DRGX: variants seen among roughly 807,000 people sequenced by gnomAD.
DRGX encodes the protein dorsal root ganglia homeobox.
In DRGX, 21 loss-of-function variants were observed where a neutral mutation model predicts 28.6. That is an observed-to-expected ratio of 0.73 (90% CI 0.52 to 1.06). The LOEUF is 1.06. DRGX is among the 50% of genes least tolerant of loss of function. The probability of loss-of-function intolerance (pLI) is 0.00; values close to 1 mark genes in which losing one functional copy is unlikely to be tolerated. For missense variants in DRGX, 354 were observed against 343.9 expected (o/e 1.03, Z -0.23); for synonymous variants, 136 against 139.1 (o/e 0.98, Z 0.16).
At chr10:49,375,936 A>G (rs528010160) in intron 6 of DRGX, among the ~76,000 whole-genome samples, 20 of 151,984 alleles carry the variant, frequency 1.3e-4, no homozygotes, top group African/African-American at 4.8e-4. Context: ...AGCTCTGTGC[A>G]CTCCAGGGCC....
rs117005923 is a variant in DRGX, at chr10:49,373,020, T to A, written c.527-6639A>T. Among the ~76,000 whole-genome samples the A allele has an allele frequency of 2.1e-3, 320 of 152,308 alleles. 1 individual carries two copies. The highest frequency in any genetic ancestry group is 3.4e-3 in the Non-Finnish European group (234 of 68,026). On this transcript the variant is annotated intron_variant, in intron 6 of 6. Transcript: ENST00000374139. ...ATCAAAAAGCTATCATGTGCTCACT[T>A]CAGCAGCACATGCACTAAAATTGGA... is the stretch of plus-strand genomic sequence containing the variant.
At position 49,366,289 on chromosome 10, in the gene DRGX, C is replaced by A; in HGVS notation, c.619G>T (p.Ala207Ser). The change falls in exon 7 of 7, where the codon GCC becomes TCC. Residue 207 changes from alanine to serine, a missense_variant. By Grantham distance (99) the Ala-to-Ser change is moderately conservative (BLOSUM62 1). Coordinates refer to ENST00000374139, the MANE Select transcript of DRGX (RefSeq NM_001276451.2). ...TCGCGGGCCTTCATGCGCAGGGTGG[C>A]CACGCTGGCCGTGCGGTTACTCTGG... ...GCQSNRTASV[A>S]TLRMKAREHS... 1 of 1,613,924 alleles carries A rather than the reference C, an allele frequency of 6.2e-7. No homozygotes were observed.
At chr10:49,392,075 T>C (rs1849912753) in intron 2 of DRGX, among the ~76,000 whole-genome samples, 1 of 152,260 alleles carries the variant, frequency 6.6e-6, no homozygotes, top group South Asian at 2.1e-4. Context: ...AGAACAGAGT[T>C]TGGCCCCAAA....
Position 49,386,542 on chromosome 10 carries a change from C to T in DRGX, c.462G>A (p.Leu154=). ...TGGCCGTGTTCAGGAGAGTCCCCGG[C>T]AAGCAGGAGGGGAAGAAAGGCCCTG... ...GPAGPFFPSC[L]PGTLLNTATY... Residue 154 remains leucine (L), a synonymous_variant, in exon 6 of 7, where the codon TTG becomes TTA. Transcript: ENST00000374139. 5 of 1,589,664 alleles carry T rather than the reference C, an allele frequency of 3.1e-6. No individual in the cohort carries two copies. The highest frequency in any genetic ancestry group is 3.4e-6 in the Non-Finnish European group (4 of 1,168,012).
At chr10:49,384,314 G>A (rs1046487241) in intron 6 of DRGX, among the ~76,000 whole-genome samples, 9 of 152,118 alleles carry the variant, frequency 5.9e-5, no homozygotes, top group South Asian at 2.1e-4. Context: ...GTATGTCGCC[G>A]ACCTCAAGGG....
intron 6 of DRGX, among the ~76,000 whole-genome samples, chr10:49,377,715 T>C (rs1014855958): frequency 6.6e-6 from 1 of 152,194 alleles, no homozygotes; most frequent in Admixed American, 6.5e-5. Flanking sequence ...ATCTTGTATA[T>C]ACCAGGCACA....
chr10:49,381,710 C>T (rs1005540596), intron 6 of DRGX, among the ~76,000 whole-genome samples: 1 of 152,212 alleles, frequency 6.6e-6, no homozygotes, highest in Non-Finnish European at 1.5e-5. Context: ...CTGCATCGGC[C>T]TCACATTCTA....
chr10:49,387,075 C>T (rs973237564), intron 4 of DRGX, among the ~76,000 whole-genome samples: 15 of 152,276 alleles, frequency 9.9e-5, no homozygotes, highest in East Asian at 3.9e-4. Context: ...GGAAAGTATC[C>T]GAATGCCCAT....
At chr10:49,384,641 C>G (rs1849811823) in intron 6 of DRGX, among the ~76,000 whole-genome samples, 1 of 152,170 alleles carries the variant, frequency 6.6e-6, no homozygotes, top group South Asian at 2.1e-4. Context: ...TTCACTCAGG[C>G]CAGTTGGTCC....
chr10:49,376,138 T>G (rs535846933), intron 6 of DRGX, among the ~76,000 whole-genome samples: 4 of 152,330 alleles, frequency 2.6e-5, no homozygotes, highest in Non-Finnish European at 5.9e-5. Flanking sequence ...ATTCATGCTA[T>G]GTGACCTTGG....
chr10:49,389,091 A>G (rs1346015095), intron 4 of DRGX, among the ~76,000 whole-genome samples: 1 of 152,152 alleles, frequency 6.6e-6, no homozygotes, highest in Non-Finnish European at 1.5e-5. Context: ...GAAAGGATAG[A>G]CGGTATCCTG....
At chr10:49,377,831 GTTGCTA>G (rs1849731897) in intron 6 of DRGX, among the ~76,000 whole-genome samples, 1 of 152,130 alleles carries the variant, frequency 6.6e-6, no homozygotes, top group African/African-American at 2.4e-5. Flanking sequence ...TAACACAACA[GTTGCTA>G]TTTTATAATA....
intron 6 of DRGX, among the ~76,000 whole-genome samples, chr10:49,368,004 C>G (rs1167118610): frequency 6.6e-6 from 1 of 152,206 alleles, no homozygotes; most frequent in Admixed American, 6.5e-5. Flanking sequence ...CACCTCCCTT[C>G]CCAAGACAGC....
chr10:49,368,991 G>A (rs1045310706), intron 6 of DRGX, among the ~76,000 whole-genome samples: 4 of 152,170 alleles, frequency 2.6e-5, no homozygotes, highest in Non-Finnish European at 4.4e-5. Flanking sequence ...TGAGAAAGAT[G>A]GGCTCAATCC....
intron 3 of DRGX, 66 bp downstream of exon 3, chr10:49,391,098 T>A (rs1849898271): frequency 6.6e-7 from 1 of 1,504,800 alleles, no homozygotes; most frequent in African/African-American, 1.4e-5. Flanking sequence ...AAAGAAGAGT[T>A]GCTCAACTTT....
chr10:49,395,242 C>A (rs1314414855), intron 2 of DRGX, among the ~76,000 whole-genome samples, 165 bp downstream of exon 2: 2 of 152,188 alleles, frequency 1.3e-5, no homozygotes, highest in South Asian at 2.1e-4. Context: ...TGGAGCGGGC[C>A]TGGAGTGGGG....
intron 3 of DRGX, among the ~76,000 whole-genome samples, chr10:49,390,455 C>G (rs909295571): frequency 2.6e-5 from 4 of 151,968 alleles, no homozygotes; most frequent in African/African-American, 9.7e-5. Context: ...AGTGCTCTGG[C>G]AAGAAGTAGA....
Position 49,386,549 on chromosome 10 carries a change from G to C in DRGX, c.455C>G (p.Ser152Cys). Reference sequence around the variant, plus strand: ...GTTCAGGAGAGTCCCCGGCAAGCAGGAGGGGAAGAAAGGCCCTGCAGGACC... The same window carrying C: ...GTTCAGGAGAGTCCCCGGCAAGCAGCAGGGGAAGAAAGGCCCTGCAGGACC... ...TVGPAGPFFP[S>C]CLPGTLLNTA... The change falls in exon 6 of 7, where the codon TCC (serine) becomes TGC (cysteine). Residue 152 changes from serine (S) to cysteine (C), a missense_variant. By Grantham distance (112) the Ser-to-Cys change is moderately radical. Transcript: ENST00000374139. The C allele has an allele frequency of 2.5e-6, 4 of 1,590,824 alleles. No homozygotes were observed. Among genetic ancestry groups the C allele is most frequent in the Non-Finnish European group, 3.4e-6 (4 of 1,168,602 alleles).
At position 49,379,867 on chromosome 10, in the gene DRGX, G is replaced by A. The variant is rs190997645; in HGVS notation, c.526+6611C>T. Among the ~76,000 whole-genome samples the A allele has an allele frequency of 5.3e-5, 8 of 152,314 alleles. No individual in the cohort carries two copies. The East Asian group carries it at 7.7e-4, about 15-fold the overall frequency. On this transcript the variant is annotated intron_variant, in intron 6 of 6. Transcript: ENST00000374139. Reference sequence around the variant, plus strand: ...TCCTGACAGCGTCCAAGGCCTCTGCGGGGAAGATGGGGCCAGACTCCAGCC... The same window carrying A: ...TCCTGACAGCGTCCAAGGCCTCTGCAGGGAAGATGGGGCCAGACTCCAGCC...
Sources: allele counts gnomAD v4.1 joint callset (sites outside exome capture counted in the v4.1 genomes callset), GRCh38; gene constraint gnomAD v4.1.1; transcripts MANE v1.5; gene names NCBI Gene and HGNC (gene_info 2026-07-23, HGNC 2026-07-21).